The following MX2 variants were observed in gnomAD, a reference collection of about 807,000 sequenced individuals.
MX2 encodes MX dynamin like GTPase 2.
MX2 carries 51 observed loss-of-function variants against 74.0 expected under a neutral mutation model. That is an observed-to-expected ratio of 0.69 (90% CI 0.55 to 0.87). The LOEUF (loss-of-function observed/expected upper bound fraction) is 0.87, where lower values mean the gene tolerates loss of function less well. Ranked by LOEUF, MX2 falls within the 40% of genes least tolerant of loss-of-function variation. The pLI, the probability that MX2 is intolerant of heterozygous loss-of-function variation, is 0.00. For synonymous variants in MX2, 369 were observed against 339.3 expected, an observed-to-expected ratio of 1.09 and a Z score of -0.96; for missense variants, 832 against 908.7, an observed-to-expected ratio of 0.92 and a Z score of 1.09.
At position 41,402,969 on chromosome 21, in the gene MX2, T is replaced by C. The variant is rs1205776402; in HGVS notation, c.1574-298T>C. 2 of 352,772 alleles carry C rather than the reference T, an allele frequency of 5.7e-6. No homozygotes were observed. The highest frequency in any genetic ancestry group is 4.2e-5 in the African/African-American group (2 of 47,852). 21.9% of individuals were successfully genotyped at this position (352,772 alleles called of 1,614,324 possible). On this transcript the variant is annotated intron_variant, in intron 11 of 13. Coordinates refer to ENST00000330714, the MANE Select transcript of MX2 (RefSeq NM_002463.2). The surrounding 1 kb of genome is among the most constrained non-coding windows in gnomAD (Gnocchi z 4.5). ...TGCACACCTCCTGCCGGACACGGAC[T>C]GGAACTGGTCCAGCCTGGGAGTTGG...
At chr21:41,382,968 G>A (rs1419797049) in intron 5 of MX2, among the ~76,000 whole-genome samples, 1 of 152,220 alleles carries the variant, frequency 6.6e-6, no homozygotes, top group Non-Finnish European at 1.5e-5. Flanking sequence ...GTCCTGGTCT[G>A]GGCAGGAGAG....
intron 1 of MX2, among the ~76,000 whole-genome samples, chr21:41,369,600 T>C (rs1469664181): frequency 6.6e-6 from 1 of 151,518 alleles, no homozygotes; most frequent in Non-Finnish European, 1.5e-5. Context: ...CAGGTGGGAG[T>C]GCTGGGCTGG....
chr21:41,384,276 T>C (rs1235025996), intron 5 of MX2, among the ~76,000 whole-genome samples: 1 of 152,196 alleles, frequency 6.6e-6, no homozygotes, highest in East Asian at 1.9e-4. Context: ...TCTTTATAGC[T>C]GTGTGAGAAC....
At chr21:41,389,604 TAA>T (rs1301996864) in intron 5 of MX2, 2 of 152,214 alleles carry the variant, frequency 1.3e-5, no homozygotes, top group Admixed American at 6.5e-5. Flanking sequence ...TTTAGCCAGT[TAA>T]GTTTTCTCCT....
In MX2 at chr21:41,390,673, G is replaced by A. The variant is rs1263377684; in HGVS notation, c.841G>A (p.Glu281Lys). ...ATTEALSMAH[E>K]VDPEGDRTIG... ...CACGGAGGCGCTGAGCATGGCCCAT[G>A]AGGTGGACCCGGAAGGGGACAGGAC... Residue 281 changes from glutamate (E) to lysine (K), a missense_variant, in exon 6 of 14, where the codon GAG (glutamate) becomes AAG (lysine). Physicochemically the swap from Glu to Lys is moderately conservative, Grantham distance 56 (BLOSUM62 1). Transcript: ENST00000330714. 6.2e-7 allele frequency: 1 copy of A among 1,614,188 alleles called. No homozygotes were observed.
chr21:41,377,995 A>G lies in MX2; in HGVS notation c.442+14A>G. The G allele has an allele frequency of 1.2e-6, 2 of 1,608,118 alleles. No homozygotes were observed. Among genetic ancestry groups the G allele is most frequent in the Non-Finnish European group, 1.7e-6 (2 of 1,175,312 alleles). ...CCAGAGGCAGCGGTAAGTTCAACGG[A>G]CCACCTTCCCTCCGCAGCAAGCAGC... On this transcript the variant is annotated intron_variant, in intron 3 of 13. Transcript: ENST00000330714.
intron 1 of MX2, among the ~76,000 whole-genome samples, chr21:41,371,397 C>T (rs184031924): frequency 2.6e-5 from 4 of 152,260 alleles, no homozygotes; most frequent in Admixed American, 2.0e-4. Flanking sequence ...GCTAGGAGGA[C>T]CTGAAATGGC....
chr21:41,378,082 TGA>T (rs2089433177), intron 3 of MX2, 101 bp downstream of exon 3: 1 of 1,382,630 alleles, frequency 7.2e-7, no homozygotes, highest in Non-Finnish European at 9.8e-7. Context: ...GGCTGCTGGG[TGA>T]GAGAGCTGGG....
At chr21:41,405,432 C>T (rs918572467) in intron 12 of MX2, among the ~76,000 whole-genome samples, 2 of 152,060 alleles carry the variant, frequency 1.3e-5, no homozygotes, top group African/African-American at 2.4e-5. Context: ...GGTCAGGTGG[C>T]AGTGAGGGCT....
chr21:41,390,747 T>A (rs563627647), intron 6 of MX2, 44 bp downstream of exon 6: 1 of 1,604,682 alleles, frequency 6.2e-7, no homozygotes, highest in South Asian at 1.1e-5. Flanking sequence ...GGCTCAAGCC[T>A]GTAATCCCAG....
At position 41,402,502 on chromosome 21, in the gene MX2, G is replaced by T; in HGVS notation, c.1573+374G>T. 1 of 198,278 alleles carries T rather than the reference G, an allele frequency of 5.0e-6. No homozygotes were observed. The highest frequency in any genetic ancestry group is 5.4e-5 in the Admixed American group (1 of 18,380). 12.3% of individuals were successfully genotyped at this position (198,278 alleles called of 1,614,324 possible). ...ATGCACTTCATCTGTATCACACGCAGCCACCAACACAGCCGCGTAAGGCAG... is the reference window on the plus strand; with the variant it reads ...ATGCACTTCATCTGTATCACACGCATCCACCAACACAGCCGCGTAAGGCAG... On this transcript the variant is annotated intron_variant, in intron 11 of 13. Transcript: ENST00000330714. The surrounding 1 kb of genome is among the most constrained non-coding windows in gnomAD (Gnocchi z 4.5).
At chr21:41,399,082 C>G (rs955961683) in intron 9 of MX2, 63 bp downstream of exon 9, 82 of 1,595,668 alleles carry the variant, frequency 5.1e-5, no homozygotes, top group Non-Finnish European at 6.3e-5. Context: ...TGCAGCTGCC[C>G]TTCCCCTTCT....
Position 41,399,350 on chromosome 21 carries a change from C to T in MX2, c.1414+13C>T. ...AATACCCAAAAAGGTAAGTTCTGGG[C>T]AGGGCTCCCTGCAAAACAGGGTGGT... On this transcript the variant is annotated intron_variant, in intron 10 of 13. Coordinates refer to ENST00000330714, the MANE Select transcript of MX2 (RefSeq NM_002463.2). 6.2e-7 allele frequency: 1 copy of T among 1,611,852 alleles called. No individual in the cohort carries two copies. Among genetic ancestry groups the T allele is most frequent in the Non-Finnish European group, 8.5e-7 (1 of 1,179,234 alleles).
At chr21:41,362,375 G>A (rs561001335) in intron 1 of MX2, among the ~76,000 whole-genome samples, 3 of 151,920 alleles carry the variant, frequency 2.0e-5, no homozygotes, top group Non-Finnish European at 2.9e-5. Context: ...TTTGCTCAGC[G>A]TCCTACAAAG....
At position 41,402,965 on chromosome 21, in the gene MX2, G is replaced by A. The variant is rs377206065; in HGVS notation, c.1574-302G>A. ...TCACTGCACACCTCCTGCCGGACACGGACTGGAACTGGTCCAGCCTGGGAG... is the reference window on the plus strand; with the variant it reads ...TCACTGCACACCTCCTGCCGGACACAGACTGGAACTGGTCCAGCCTGGGAG... On this transcript the variant is annotated intron_variant, in intron 11 of 13. Coordinates refer to ENST00000330714, the MANE Select transcript of MX2 (RefSeq NM_002463.2). This position sits in a 1 kb window ranked among gnomAD's most constrained non-coding sequence, Gnocchi z 4.5. The A allele has an allele frequency of 4.1e-4, 137 of 334,492 alleles. 1 individual carries two copies. Among genetic ancestry groups the A allele is most frequent in the Non-Finnish European group, 1.7e-4 (29 of 172,974 alleles). The allele number at this position is 334,492 out of a possible 1,614,324, so 20.7% of individuals were successfully genotyped here. A position where few individuals can be genotyped will look rare whatever the true frequency, so the allele number is the denominator to read the frequency against.
rs556458235 is a variant in MX2, at chr21:41,388,614, G to A, written c.733-1951G>A. On this transcript the variant is annotated intron_variant, in intron 5 of 13. Transcript: ENST00000330714. This position sits in a 1 kb window ranked among gnomAD's most constrained non-coding sequence, Gnocchi z 4.0. ...GCTCTGGGGGCGTATGCTCAATGCCGAGTCTCTGAACCCCAGGATGGGCCC... is the reference window on the plus strand; with the variant it reads ...GCTCTGGGGGCGTATGCTCAATGCCAAGTCTCTGAACCCCAGGATGGGCCC... Among the ~76,000 whole-genome samples the A allele has an allele frequency of 3.9e-4, 60 of 152,278 alleles. No homozygotes were observed. Among genetic ancestry groups the A allele is most frequent in the African/African-American group, 1.4e-3 (57 of 41,564 alleles).
chr21:41,408,292 G>T lies in MX2; in HGVS notation c.*59G>T, dbSNP rs749109562. ...GTACTCATTCATTCTAAGGGGAGTC[G>T]GTGCAGGATGCCGCTTCTGCTTTGG... On this transcript the variant is annotated 3_prime_UTR_variant, in exon 14 of 14. Transcript: ENST00000330714. The T allele has an allele frequency of 5.0e-6, 8 of 1,585,204 alleles. No homozygotes were observed. The highest frequency in any genetic ancestry group is 6.9e-6 in the Non-Finnish European group (8 of 1,165,930).
intron 6 of MX2, among the ~76,000 whole-genome samples, chr21:41,391,463 T>G (rs781118147): frequency 1.4e-5 from 2 of 146,944 alleles, no homozygotes; most frequent in African/African-American, 2.7e-5. Flanking sequence ...CTAGGCTCAC[T>G]GTAACCTCTG....
intron 12 of MX2, 22 bp downstream of exon 12, chr21:41,403,365 G>A (rs760348153): frequency 6.3e-7 from 1 of 1,580,532 alleles, no homozygotes; most frequent in South Asian, 1.1e-5. Context: ...GAGTTCACTT[G>A]CTAGTCACCT....
Sources: allele counts gnomAD v4.1 joint callset (sites outside exome capture counted in the v4.1 genomes callset), GRCh38; gene constraint gnomAD v4.1.1; non-coding constraint Gnocchi (gnomAD v3.1); transcripts MANE v1.5; gene names NCBI Gene and HGNC (gene_info 2026-07-23, HGNC 2026-07-21).